Variants in RABGAP1L observed in about 807,000 individuals in gnomAD.
RABGAP1L encodes rab GTPase-activating protein 1-like.
A neutral mutation model predicts 137.7 loss-of-function variants in RABGAP1L; 63 were observed. That is an observed-to-expected ratio of 0.46 (90% CI 0.37 to 0.56). The LOEUF (loss-of-function observed/expected upper bound fraction) is 0.56. Among genes scored for constraint, RABGAP1L ranks in the 20% least tolerant of loss-of-function variants. RABGAP1L has a pLI of 0.00. For missense variants in RABGAP1L, 1,095 were observed against 1,244.0 expected, an observed-to-expected ratio of 0.88 and a Z score of 1.80; for synonymous variants, 431 against 433.7, an observed-to-expected ratio of 0.99 and a Z score of 0.08.
intron 13 of RABGAP1L, among the ~76,000 whole-genome samples, chr1:174,458,575 C>T (rs767460331): frequency 3.3e-5 from 5 of 152,042 alleles, no homozygotes; most frequent in African/African-American, 4.8e-5. Context: ...ATATACCTGT[C>T]TGTAAATGAA....
intron 11 of RABGAP1L, among the ~76,000 whole-genome samples, chr1:174,320,411 C>T (rs1289411415): frequency 2.0e-5 from 3 of 152,098 alleles, no homozygotes; most frequent in Non-Finnish European, 4.4e-5. Context: ...ATCATGTTAG[C>T]AGTTGGTTCT....
intron 13 of RABGAP1L, among the ~76,000 whole-genome samples, chr1:174,590,134 T>C (rs1335164427): frequency 1.2e-4 from 16 of 131,802 alleles, no homozygotes; most frequent in Non-Finnish European, 2.0e-4. Flanking sequence ...TTTTTTTTTT[T>C]TTTTTTTTTT....
At chr1:174,442,870 T>C (rs569219337) in intron 13 of RABGAP1L, among the ~76,000 whole-genome samples, 104 of 152,018 alleles carry the variant, frequency 6.8e-4, no homozygotes, top group Non-Finnish European at 1.4e-3. Flanking sequence ...TTTCATTCCT[T>C]TTTCCCTACC....
intron 19 of RABGAP1L, among the ~76,000 whole-genome samples, chr1:174,877,240 G>A (rs1246832898): frequency 1.3e-5 from 2 of 152,160 alleles, no homozygotes; most frequent in African/African-American, 4.8e-5. Context: ...TGCAGAAGGT[G>A]TTTATAGTGT....
rs1662871840 is a variant in RABGAP1L at position 174,516,535 on chromosome 1, T to G, written c.1711-120840T>G. On this transcript the variant is annotated intron_variant, in intron 13 of 25. Coordinates refer to ENST00000681986, the MANE Select transcript of RABGAP1L (RefSeq NM_001366446.1). ...TGTCTGGCCCTGTCTTTTTCAATAT[T>G]AATTTGAAGAACATCCTTGAATCAA... Among the ~76,000 whole-genome samples, 4 of 152,182 alleles carry G rather than the reference T, an allele frequency of 2.6e-5. No individual in the cohort carries two copies. The South Asian group carries it at 8.3e-4, about 32-fold the overall frequency.
intron 19 of RABGAP1L, among the ~76,000 whole-genome samples, chr1:174,871,030 C>A (rs182221193): frequency 6.6e-6 from 1 of 152,098 alleles, no homozygotes; most frequent in East Asian, 1.9e-4. Context: ...TGAGCCACCA[C>A]GCCCGGCCTA....
chr1:174,957,908 A>G, intron 20 of RABGAP1L: 1 of 1,586,876 alleles, frequency 6.3e-7, no homozygotes, highest in African/African-American at 1.4e-5. Flanking sequence ...ATTTGTAGGT[A>G]ACTCCAGCTG....
intron 11 of RABGAP1L, among the ~76,000 whole-genome samples, chr1:174,348,894 A>G (rs1330310788): frequency 6.6e-6 from 1 of 152,186 alleles, no homozygotes; most frequent in African/African-American, 2.4e-5. Flanking sequence ...CGATTTCCCA[A>G]TCCTTTCCCC....
At chr1:174,435,503 A>C (rs957442028) in intron 13 of RABGAP1L, among the ~76,000 whole-genome samples, 19 of 152,052 alleles carry the variant, frequency 1.2e-4, no homozygotes, top group African/African-American at 4.3e-4. Flanking sequence ...AAATTTTTCT[A>C]ATACCATTTA....
intron 1 of RABGAP1L, among the ~76,000 whole-genome samples, chr1:174,200,840 T>TA (rs1222758680): frequency 1.3e-5 from 2 of 152,236 alleles, no homozygotes; most frequent in Admixed American, 6.5e-5. Context: ...AAATAACCTT[T>TA]ATAGGATAAA....
At chr1:174,632,346 T>G (rs572284387) in intron 13 of RABGAP1L, among the ~76,000 whole-genome samples, 2 of 147,898 alleles carry the variant, frequency 1.4e-5, no homozygotes, top group South Asian at 2.1e-4. Flanking sequence ...CATTTCAACT[T>G]TGGTGAATCT....
At chr1:174,567,200 C>G (rs761089324) in intron 13 of RABGAP1L, among the ~76,000 whole-genome samples, 1 of 152,116 alleles carries the variant, frequency 6.6e-6, no homozygotes, top group African/African-American at 2.4e-5. Flanking sequence ...CCCACAGCCC[C>G]TGGTAACCTA....
At position 174,699,617 on chromosome 1, in the gene RABGAP1L, T is replaced by C. The variant is rs1679503492; in HGVS notation, c.1992T>C (p.His664=). ...ACAGAAACAACTTCGAAGATCTTCA[T>C]TGCAAATTCTACCAGTTGGAGAGAC... ...DLYRNNFEDL[H]CKFYQLERLM... Residue 664 remains histidine, a synonymous_variant, in exon 16 of 26, where the codon CAT becomes CAC. Coordinates refer to ENST00000681986, the MANE Select transcript of RABGAP1L (RefSeq NM_001366446.1). 1 of 1,608,542 alleles carries C rather than the reference T, an allele frequency of 6.2e-7. No individual in the cohort carries two copies.
intron 13 of RABGAP1L, among the ~76,000 whole-genome samples, chr1:174,443,755 A>C (rs751100552): frequency 6.6e-6 from 1 of 152,156 alleles, no homozygotes; most frequent in Non-Finnish European, 1.5e-5. Context: ...AGTCTTTGCC[A>C]AAACCAATGT....
intron 12 of RABGAP1L, among the ~76,000 whole-genome samples, chr1:174,371,488 C>T (rs1473247359): frequency 5.3e-5 from 8 of 152,044 alleles, no homozygotes; most frequent in East Asian, 1.9e-4. Context: ...TCTCATTTTA[C>T]GCTGATTGTT....
intron 15 of RABGAP1L, among the ~76,000 whole-genome samples, chr1:174,692,000 T>A (rs1678909614): frequency 6.6e-6 from 1 of 152,130 alleles, no homozygotes; most frequent in Admixed American, 6.5e-5. Flanking sequence ...TATAAAAGCT[T>A]TTTATATTTA....
intron 13 of RABGAP1L, among the ~76,000 whole-genome samples, chr1:174,620,187 A>C (rs1177094260): frequency 6.6e-6 from 1 of 152,210 alleles, no homozygotes; most frequent in South Asian, 2.1e-4. Context: ...TAATAATGGG[A>C]GACTTTAACA....
intron 11 of RABGAP1L, among the ~76,000 whole-genome samples, chr1:174,321,650 C>A (rs1320802569): frequency 6.6e-6 from 1 of 152,124 alleles, no homozygotes; most frequent in African/African-American, 2.4e-5. Context: ...GCTCCCATTT[C>A]ACTTGGAAAA....
At chr1:174,745,424 C>G (rs1683794788) in intron 17 of RABGAP1L, among the ~76,000 whole-genome samples, 1 of 152,170 alleles carries the variant, frequency 6.6e-6, no homozygotes, top group Admixed American at 6.5e-5. Context: ...GACCTTAACT[C>G]TCAATGGAGA....
Sources: allele counts gnomAD v4.1 joint callset (sites outside exome capture counted in the v4.1 genomes callset), GRCh38; gene constraint gnomAD v4.1.1; transcripts MANE v1.5; gene names NCBI Gene and HGNC (gene_info 2026-07-23, HGNC 2026-07-21).